Variants in LHX8 observed in about 807,000 individuals in gnomAD.
LHX8 encodes the protein LIM/homeobox protein Lhx8.
Under a neutral mutation model 40.3 loss-of-function variants are expected in LHX8, and 12 were observed. The observed-to-expected ratio is 0.30, with a 90% confidence interval of 0.19 to 0.48. LHX8 has a LOEUF of 0.48. LHX8 is among the 20% of genes least tolerant of loss of function. The pLI is 0.99. For missense variants in LHX8, 344 were observed against 433.7 expected, an observed-to-expected ratio of 0.79 and a Z score of 1.84; for synonymous variants, 179 against 162.0, an observed-to-expected ratio of 1.10 and a Z score of -0.80.
At chr1:75,160,773 T>C (rs1648896184) in intron 8 of LHX8, 46 bp from the exon 9 acceptor site, 1 of 1,268,500 alleles carries the variant, frequency 7.9e-7, no homozygotes, top group Non-Finnish European at 1.2e-6. Context: ...AAATCAGTTT[T>C]ATGCACCCTA....
rs778086187 is a variant in LHX8 at position 75,160,843 on chromosome 1, T to C, written c.989T>C (p.Leu330Pro). 1 of 1,613,252 alleles carries C rather than the reference T, an allele frequency of 6.2e-7. No homozygotes were observed. Among genetic ancestry groups the C allele is most frequent in the Non-Finnish European group, 8.5e-7 (1 of 1,179,258 alleles). ...GCTCATTCACCAACAACTCTTGGAC[T>C]CCAGCCCTTGTTACCCCATTCAATG... The part of the protein sequence containing the change: ...MDAHSPTTLG[L>P]QPLLPHSMTQ... Residue 330 changes from leucine (L) to proline (P), a missense_variant, in exon 9 of 9, where the codon CTC (leucine) becomes CCC (proline). Leu to Pro is a moderately conservative substitution (Grantham distance 98, BLOSUM62 -3). This residue lies in a region of LHX8 where 89 missense variants were observed against 92.8 expected (regional missense o/e 0.96). Transcript: ENST00000356261.
At chr1:75,158,051 T>A (rs1648816934) in intron 8 of LHX8, among the ~76,000 whole-genome samples, 1 of 152,154 alleles carries the variant, frequency 6.6e-6, no homozygotes, top group East Asian at 1.9e-4. Flanking sequence ...GTGCTTCACA[T>A]CCTCACCAAC....
chr1:75,166,056 C>T (rs894429450), downstream of LHX8, among the ~76,000 whole-genome samples: 9 of 152,090 alleles, frequency 5.9e-5, no homozygotes, highest in Non-Finnish European at 8.8e-5. Context: ...TTTTGAAGGG[C>T]GGGGTTAGTG....
chr1:75,139,648 TTC>T (rs1447036476), intron 3 of LHX8, among the ~76,000 whole-genome samples: 8 of 152,190 alleles, frequency 5.3e-5, no homozygotes, highest in African/African-American at 1.7e-4. Flanking sequence ...TCAGATTTCT[TTC>T]TGTTTTCATT....
chr1:75,151,430 A>G (rs547741337), intron 7 of LHX8, among the ~76,000 whole-genome samples: 3 of 152,376 alleles, frequency 2.0e-5, no homozygotes, highest in African/African-American at 4.8e-5. Context: ...AGATCATGCC[A>G]TAATATTAAA....
chr1:75,148,711 A>G, intron 7 of LHX8, 29 bp downstream of exon 7: 4 of 1,436,298 alleles, frequency 2.8e-6, no homozygotes, highest in Non-Finnish European at 2.9e-6. Flanking sequence ...TTTTTTTTTA[A>G]GGTTTTTAAA....
Position 75,136,667 on chromosome 1 carries a change from A to T in LHX8, c.53A>T (p.Lys18Ile). Residue 18 changes from lysine to isoleucine, a missense_variant, in exon 2 of 9, where the codon AAA becomes ATA. Coordinates refer to ENST00000356261, the MANE Select transcript of LHX8 (RefSeq NM_001256114.2). ...GCCCTGGCGGCCGGGAGGACTCGCA[A>T]AGGCGCCGGGGAAGAGGGACTGGTG... ...TTALAAGRTRKGAGEEGLVSP... is the reference protein window; with the variant it reads ...TTALAAGRTRIGAGEEGLVSP... 2 of 1,532,842 alleles carry T rather than the reference A, an allele frequency of 1.3e-6. No individual in the cohort carries two copies. Among genetic ancestry groups the T allele is most frequent in the Non-Finnish European group, 1.8e-6 (2 of 1,137,968 alleles). The allele number at this position is 1,532,842 out of a possible 1,614,324, so 95.0% of individuals were successfully genotyped here.
intron 8 of LHX8, chr1:75,160,543 C>A: frequency 2.3e-6 from 1 of 429,410 alleles, no homozygotes; most frequent in Non-Finnish European, 4.2e-6. Flanking sequence ...GTCTTTCTAG[C>A]TTCAGGGTGA....
upstream of LHX8, chr1:75,133,122 A>T (rs2100325006): frequency 6.6e-6 from 1 of 152,364 alleles, no homozygotes; most frequent in East Asian, 1.9e-4. Flanking sequence ...AGTAAATTTA[A>T]ACGAGATCTC....
At chr1:75,150,329 G>A (rs188250318) in intron 7 of LHX8, among the ~76,000 whole-genome samples, 129 of 152,338 alleles carry the variant, frequency 8.5e-4, no homozygotes, top group African/African-American at 3.1e-3. Context: ...AAGCTGGATT[G>A]GAAGTTGGAC....
the LHX8 span, among the ~76,000 whole-genome samples, chr1:75,199,215 C>T: frequency 2.6e-5 from 4 of 152,162 alleles, no homozygotes; most frequent in Admixed American, 6.5e-5. Flanking sequence ...ACATTGCCCT[C>T]TTGGATCCCA....
Position 75,161,437 on chromosome 1 carries a change from TTG to T in LHX8, c.*545_*546del, listed in dbSNP as rs1007402366. 27 of 155,836 alleles carry T rather than the reference TTG, an allele frequency of 1.7e-4. No homozygotes were observed. The highest frequency in any genetic ancestry group is 3.3e-3 in the Middle Eastern group (1 of 302). 9.7% of individuals were successfully genotyped at this position (155,836 alleles called of 1,614,324 possible). On this transcript the variant is annotated 3_prime_UTR_variant, in exon 9 of 9. Transcript: ENST00000356261. ...ATGCCATGCAAACACATTATTGTGT[TTG>T]TGGTTGATGAATTATGGCTGTAAAT...
exon 1 of LHX8, chr1:75,128,504 A>G (rs182226067): frequency 6.6e-6 from 1 of 152,168 alleles, no homozygotes; most frequent in Non-Finnish European, 1.5e-5. Flanking sequence ...CCATTTACTG[A>G]AAGTGTCCAT....
the LHX8 span, among the ~76,000 whole-genome samples, chr1:75,191,988 GA>G: frequency 6.6e-5 from 10 of 151,188 alleles, no homozygotes; most frequent in African/African-American, 1.2e-4. Flanking sequence ...CTTCTAAGAA[GA>G]AAAAAAAATG....
At chr1:75,153,187 C>T (rs532860321) in intron 7 of LHX8, among the ~76,000 whole-genome samples, 39 of 152,072 alleles carry the variant, frequency 2.6e-4, no homozygotes, top group Non-Finnish European at 5.1e-4. Context: ...CTCACTTCAA[C>T]CTCCGCCTTC....
In LHX8 at chr1:75,148,694, AC is replaced by A; in HGVS notation, c.780+13del. ...GACGTGTGATACAGGTGATTACTTTACTTTTTTTTTTTTTTAAGGTTTTTAA... is the reference window on the plus strand; with the variant it reads ...GACGTGTGATACAGGTGATTACTTTATTTTTTTTTTTTTTAAGGTTTTTAA... On this transcript the variant is annotated intron_variant, in intron 7 of 8. Transcript: ENST00000356261. 2.7e-6 allele frequency: 4 copies of A among 1,466,992 alleles called. No homozygotes were observed. The highest frequency in any genetic ancestry group is 2.7e-6 in the Non-Finnish European group (3 of 1,096,340). 90.9% of individuals were successfully genotyped at this position (1,466,992 alleles called of 1,614,324 possible).
chr1:75,143,781 G>C, intron 5 of LHX8, 64 bp from the exon 6 acceptor site: 1 of 1,216,536 alleles, frequency 8.2e-7, no homozygotes, highest in Non-Finnish European at 1.2e-6. Flanking sequence ...TAAGAAACCT[G>C]TTATTGTAAG....
chr1:75,181,434 C>T, the LHX8 span, among the ~76,000 whole-genome samples: 1 of 152,186 alleles, frequency 6.6e-6, no homozygotes, highest in African/African-American at 2.4e-5. Context: ...ACCCCTCCCC[C>T]AGCCAGTGTT....
chr1:75,164,412 T>G (rs974324799), downstream of LHX8, among the ~76,000 whole-genome samples: 3 of 152,200 alleles, frequency 2.0e-5, no homozygotes, highest in Admixed American at 2.0e-4. Flanking sequence ...TAAATGACAC[T>G]GTGAAGGCAT....
Sources: gnomAD v4.1 joint callset for allele counts (sites outside exome capture counted in the v4.1 genomes callset) on GRCh38, gnomAD v4.1.1 for gene constraint, gnomAD v4.1.1 regional missense constraint, MANE v1.5 for transcripts, NCBI Gene and HGNC (gene_info 2026-07-23, HGNC 2026-07-21) for gene names.